The following TSPAN12 variants were observed in gnomAD, a reference collection of about 807,000 sequenced individuals.
TSPAN12 encodes tetraspanin 12, also known as tetraspanin-12.
TSPAN12 carries 19 observed loss-of-function variants against 39.2 expected under a neutral mutation model. That is an observed-to-expected ratio of 0.49 (90% CI 0.34 to 0.71). The LOEUF is 0.71. Among genes scored for constraint, TSPAN12 ranks in the 30% least tolerant of loss-of-function variants. The pLI is 0.01. For synonymous variants in TSPAN12, 119 were observed against 124.8 expected, an observed-to-expected ratio of 0.95 and a Z score of 0.31; for missense variants, 314 against 359.9, an observed-to-expected ratio of 0.87 and a Z score of 1.03.
chr7:120,843,729 C>T (rs1033338028), intron 2 of TSPAN12, among the ~76,000 whole-genome samples: 2 of 152,170 alleles, frequency 1.3e-5, no homozygotes, highest in Non-Finnish European at 2.9e-5. Context: ...GCAGCCATCT[C>T]CTGGTCTGTT....
Position 120,788,753 on chromosome 7 carries a change from T to G in TSPAN12, c.757A>C (p.Arg253=). The change falls in exon 8 of 8, where the codon AGG becomes CGG. Residue 253 remains arginine, a synonymous_variant. Coordinates refer to ENST00000222747, the MANE Select transcript of TSPAN12 (RefSeq NM_012338.4). ...ATCATTTGGTCTGTCCCCGGCTCCC[T>G]TCTATCATAATACAGAGCCCAGAGC... ...TLLWALYYDR[R]EPGTDQMMSL... is the part of the protein sequence containing the mutation. 1 of 1,614,142 alleles carries G rather than the reference T, an allele frequency of 6.2e-7. No homozygotes were observed. Among genetic ancestry groups the G allele is most frequent in the Non-Finnish European group, 8.5e-7 (1 of 1,180,008 alleles).
At position 120,840,202 on chromosome 7, in the gene TSPAN12, A is replaced by G. The variant is rs144346101; in HGVS notation, c.67-93T>C. ...GGAAAATTAAGGATTTTGTTACATA[A>G]TATCTTTCCCAATTACCATTTGCTG... is the stretch of plus-strand genomic sequence containing the variant. On this transcript the variant is annotated intron_variant, in intron 2 of 7. Transcript: ENST00000222747. 3.9e-4 allele frequency: 378 copies of G among 971,904 alleles called. 1 individual carries two copies. In the African/African-American group the frequency reaches 5.2e-3, roughly 13 times the overall value. The allele number at this position is 971,904 out of a possible 1,614,324, so 60.2% of individuals were successfully genotyped here.
chr7:120,787,605 T>C lies in TSPAN12; in HGVS notation c.*987A>G, dbSNP rs563861450. On this transcript the variant is annotated 3_prime_UTR_variant, in exon 8 of 8. Transcript: ENST00000222747. Reference sequence around the variant, plus strand: ...AGAATTTATATTGACTTGGAGACTATTGCTTCTTGTTTGGAGAAGGCAAAG... The same window carrying C: ...AGAATTTATATTGACTTGGAGACTACTGCTTCTTGTTTGGAGAAGGCAAAG... 1.3e-5 allele frequency: 2 copies of C among 152,500 alleles called. No individual in the cohort carries two copies. Among genetic ancestry groups the C allele is most frequent in the East Asian group, 1.9e-4 (1 of 5,190 alleles). The allele number at this position is 152,500 out of a possible 1,614,324, so 9.4% of individuals were successfully genotyped here.
intron 4 of TSPAN12, among the ~76,000 whole-genome samples, chr7:120,820,753 T>C (rs988958541): frequency 3.3e-5 from 5 of 152,140 alleles, no homozygotes; most frequent in African/African-American, 9.6e-5. Context: ...CAGCAGGTAT[T>C]GGGTGGAATG....
chr7:120,838,371 A>G (rs1342776365), intron 4 of TSPAN12, among the ~76,000 whole-genome samples: 2 of 152,210 alleles, frequency 1.3e-5, no homozygotes, highest in Non-Finnish European at 2.9e-5. Flanking sequence ...GGACCATTAC[A>G]TACGTCTGCT....
At chr7:120,844,089 GA>G (rs1794628320) in intron 2 of TSPAN12, among the ~76,000 whole-genome samples, 1 of 152,120 alleles carries the variant, frequency 6.6e-6, no homozygotes, top group Non-Finnish European at 1.5e-5. Context: ...CAGAGCAGGA[GA>G]AAGAGAGAGC....
intron 4 of TSPAN12, among the ~76,000 whole-genome samples, chr7:120,831,147 C>G (rs529796894): frequency 6.6e-6 from 1 of 151,794 alleles, no homozygotes; most frequent in Non-Finnish European, 1.5e-5. Context: ...CAAAAGATAA[C>G]AAATGTTGGC....
intron 5 of TSPAN12, 86 bp from the exon 6 acceptor site, chr7:120,810,656 G>A (rs1361350488): frequency 5.2e-5 from 38 of 735,980 alleles, no homozygotes; most frequent in African/African-American, 1.4e-4. Flanking sequence ...ACACACACAC[G>A]TACACACGCA....
At chr7:120,817,318 G>T (rs1584935886) in intron 4 of TSPAN12, among the ~76,000 whole-genome samples, 1 of 152,012 alleles carries the variant, frequency 6.6e-6, no homozygotes, top group African/African-American at 2.4e-5. Flanking sequence ...GAGCCCAGGA[G>T]ATTGAGGCTG....
chr7:120,812,372 G>A (rs1025613103), intron 5 of TSPAN12, among the ~76,000 whole-genome samples: 2 of 152,176 alleles, frequency 1.3e-5, no homozygotes, highest in Non-Finnish European at 1.5e-5. Context: ...TCTGATCTAT[G>A]AAGTAATATA....
intron 4 of TSPAN12, among the ~76,000 whole-genome samples, chr7:120,833,364 A>T (rs1205390881): frequency 6.6e-6 from 1 of 151,992 alleles, no homozygotes; most frequent in African/African-American, 2.4e-5. Flanking sequence ...TTACTACTTA[A>T]ATATATTCTG....
intron 7 of TSPAN12, among the ~76,000 whole-genome samples, chr7:120,792,678 A>G (rs1382117451): frequency 1.3e-5 from 2 of 152,254 alleles, no homozygotes; most frequent in Non-Finnish European, 2.9e-5. Context: ...CTAACTGAGT[A>G]GAAACTTCAA....
intron 6 of TSPAN12, among the ~76,000 whole-genome samples, chr7:120,809,639 T>C (rs533424086): frequency 1.3e-5 from 2 of 152,100 alleles, no homozygotes; most frequent in African/African-American, 4.8e-5. Context: ...GAAACTGAAA[T>C]ACTTATCCAT....
rs141004775 is a variant in TSPAN12 at position 120,818,269 on chromosome 7, AT to A, written c.286-2467del. Among the ~76,000 whole-genome samples the A allele has an allele frequency of 4.8e-3, 724 of 152,210 alleles. 5 individuals carry two copies. The highest frequency in any genetic ancestry group is 0.017 in the African/African-American group (688 of 41,536). On this transcript the variant is annotated intron_variant, in intron 4 of 7. Transcript: ENST00000222747. ...TACTGAGCCATGGAAAGGATTTTGG[AT>A]TTTATTCTATGGGTAATGCAAATCC...
chr7:120,855,681 T>C (rs1794856856), intron 2 of TSPAN12, among the ~76,000 whole-genome samples: 1 of 152,196 alleles, frequency 6.6e-6, no homozygotes, highest in African/African-American at 2.4e-5. Context: ...CTCACTGAAG[T>C]AAGACTTAAT....
intron 7 of TSPAN12, among the ~76,000 whole-genome samples, chr7:120,790,957 C>T (rs1165895015): frequency 6.6e-6 from 1 of 151,950 alleles, no homozygotes; most frequent in Non-Finnish European, 1.5e-5. Flanking sequence ...GTACTTAGTA[C>T]AAAAATGGAC....
intron 2 of TSPAN12, among the ~76,000 whole-genome samples, chr7:120,844,844 C>T (rs755823753): frequency 6.6e-6 from 1 of 152,202 alleles, no homozygotes; most frequent in Non-Finnish European, 1.5e-5. Flanking sequence ...TCACACTGCT[C>T]CACTAGGCAG....
intron 7 of TSPAN12, among the ~76,000 whole-genome samples, chr7:120,789,125 T>C (rs1793470252): frequency 6.6e-6 from 1 of 152,188 alleles, no homozygotes; most frequent in African/African-American, 2.4e-5. Context: ...CCTTCTTTTG[T>C]CTTTCTCAAA....
intron 5 of TSPAN12, among the ~76,000 whole-genome samples, chr7:120,813,605 T>G (rs941021338): frequency 1.7e-4 from 26 of 152,380 alleles, no homozygotes; most frequent in African/African-American, 6.3e-4. Context: ...CTAATGCCCA[T>G]GTTTAAAATC....
Sources: gnomAD v4.1 joint callset for allele counts (sites outside exome capture counted in the v4.1 genomes callset) on GRCh38, gnomAD v4.1.1 for gene constraint, MANE v1.5 for transcripts, NCBI Gene and HGNC (gene_info 2026-07-23, HGNC 2026-07-21) for gene names.